ADAMTSL1: variants seen among roughly 807,000 people sequenced by gnomAD.
ADAMTSL1 encodes the protein ADAMTS-like protein 1.
A neutral mutation model predicts 201.8 loss-of-function variants in ADAMTSL1; 126 were observed. That is an observed-to-expected ratio of 0.62 (90% CI 0.54 to 0.72). The LOEUF is 0.72. Among genes scored for constraint, ADAMTSL1 ranks in the 30% least tolerant of loss-of-function variants. The pLI, the probability that ADAMTSL1 is intolerant of heterozygous loss-of-function variation, is 0.00. For synonymous variants in ADAMTSL1, 1,121 were observed against 903.4 expected (o/e 1.24, Z -4.32); for missense variants, 2,679 against 2,277.8 (o/e 1.18, Z -3.59).
At chr9:18,769,128 G>A (rs544392631) in intron 16 of ADAMTSL1, among the ~76,000 whole-genome samples, 2 of 152,216 alleles carry the variant, frequency 1.3e-5, no homozygotes, top group South Asian at 2.1e-4. Context: ...GGTGAAAGCT[G>A]GGCTGCAGCT....
intron 16 of ADAMTSL1, among the ~76,000 whole-genome samples, chr9:18,761,253 A>G (rs73419040): frequency 0.01 from 1,533 of 152,364 alleles, 29 homozygotes; most frequent in African/African-American, 0.035. Context: ...TCAGTAAATT[A>G]AACTACCAAG....
chr9:18,258,656 C>T (rs999536371), intron 2 of ADAMTSL1, among the ~76,000 whole-genome samples: 6 of 152,158 alleles, frequency 3.9e-5, no homozygotes, highest in Non-Finnish European at 7.3e-5. Context: ...GATCCCCGCC[C>T]GCATCATCGA....
intron 2 of ADAMTSL1, among the ~76,000 whole-genome samples, chr9:18,346,703 G>A (rs2132998489): frequency 6.6e-6 from 1 of 152,238 alleles, no homozygotes; most frequent in Non-Finnish European, 1.5e-5. Flanking sequence ...CTTTTTGAAT[G>A]AGGAAACTGA....
chr9:18,412,362 C>T (rs973028568), intron 2 of ADAMTSL1, among the ~76,000 whole-genome samples: 1 of 152,154 alleles, frequency 6.6e-6, no homozygotes, highest in Admixed American at 6.5e-5. Context: ...TTGTCATTTA[C>T]CTAATGGTTT....
chr9:17,913,573 A>G (rs1031949524), intron 1 of ADAMTSL1, among the ~76,000 whole-genome samples: 2 of 152,304 alleles, frequency 1.3e-5, no homozygotes, highest in Admixed American at 6.5e-5. Context: ...AAAGCAGGAA[A>G]GATCCAAAAT....
At chr9:18,393,224 C>T (rs950131364) in intron 2 of ADAMTSL1, among the ~76,000 whole-genome samples, 1 of 152,206 alleles carries the variant, frequency 6.6e-6, no homozygotes, top group Non-Finnish European at 1.5e-5. Context: ...TATACACATA[C>T]ACAGTATGCT....
At chr9:18,893,177 A>G (rs1454744484) in intron 26 of ADAMTSL1, among the ~76,000 whole-genome samples, 2 of 152,112 alleles carry the variant, frequency 1.3e-5, no homozygotes, top group African/African-American at 4.8e-5. Context: ...GCCAGGGGGA[A>G]TATCGTCTTT....
At chr9:18,766,106 A>C (rs1031561268) in intron 16 of ADAMTSL1, among the ~76,000 whole-genome samples, 1 of 152,196 alleles carries the variant, frequency 6.6e-6, no homozygotes, top group Non-Finnish European at 1.5e-5. Flanking sequence ...GTCGTAAAAT[A>C]TAAGATTACA....
In ADAMTSL1 at chr9:18,865,191, TC is replaced by T. The variant is rs545172795; in HGVS notation, c.4250-22634del. On this transcript the variant is annotated intron_variant, in intron 23 of 28. Transcript: ENST00000380548. The stretch of plus-strand genomic sequence containing the variant: ...ATCTCCTAATGCTATCCCTCCCCGC[TC>T]CCCCCACCCCACAATAGGCCCCGGT... Among the ~76,000 whole-genome samples, 59 of 151,212 alleles carry T rather than the reference TC, an allele frequency of 3.9e-4. 1 individual carries two copies. The South Asian group carries it at 7.0e-3, about 18-fold the overall frequency.
intron 2 of ADAMTSL1, among the ~76,000 whole-genome samples, chr9:18,433,744 A>G (rs926482137): frequency 3.3e-5 from 5 of 152,208 alleles, no homozygotes; most frequent in Non-Finnish European, 2.9e-5. Flanking sequence ...AATCTAAACT[A>G]CACACTTAAG....
At chr9:18,059,972 A>AATT in intron 1 of ADAMTSL1, among the ~76,000 whole-genome samples, 2 of 152,314 alleles carry the variant, frequency 1.3e-5, no homozygotes, top group Middle Eastern at 3.4e-3. Flanking sequence ...TAGATAGTAC[A>AATT]GTCACATAGT....
chr9:18,810,167 CAT>C (rs1178053123), intron 20 of ADAMTSL1, among the ~76,000 whole-genome samples: 1 of 152,178 alleles, frequency 6.6e-6, no homozygotes, highest in East Asian at 1.9e-4. Flanking sequence ...GCTCAACAAT[CAT>C]TATAGTACTA....
chr9:18,368,338 A>C (rs1415385961), intron 2 of ADAMTSL1, among the ~76,000 whole-genome samples: 1 of 152,222 alleles, frequency 6.6e-6, no homozygotes, highest in African/African-American at 2.4e-5. Context: ...CTGCTGTACC[A>C]GAGTGATGCT....
intron 1 of ADAMTSL1, among the ~76,000 whole-genome samples, chr9:18,011,259 T>C (rs1160026212): frequency 6.6e-6 from 1 of 152,046 alleles, no homozygotes; most frequent in African/African-American, 2.4e-5. Flanking sequence ...TGAAAAATAC[T>C]ACCTAAACTT....
intron 1 of ADAMTSL1, among the ~76,000 whole-genome samples, chr9:18,052,135 G>T (rs1821966620): frequency 6.6e-6 from 1 of 152,220 alleles, no homozygotes; most frequent in South Asian, 2.1e-4. Context: ...GAAAATCATT[G>T]TCATACTTCT....
intron 1 of ADAMTSL1, among the ~76,000 whole-genome samples, chr9:18,059,110 C>G (rs971694126): frequency 6.6e-6 from 1 of 152,144 alleles, no homozygotes; most frequent in African/African-American, 2.4e-5. Context: ...CCAAATATCC[C>G]CAGTTTTCCA....
intron 20 of ADAMTSL1, among the ~76,000 whole-genome samples, chr9:18,804,480 T>C (rs1822984423): frequency 6.6e-6 from 1 of 152,182 alleles, no homozygotes; most frequent in Non-Finnish European, 1.5e-5. Context: ...GAAGGAAAAC[T>C]AGACTAAGAA....
intron 3 of ADAMTSL1, among the ~76,000 whole-genome samples, chr9:18,544,551 C>T (rs1295642410): frequency 1.3e-5 from 2 of 151,982 alleles, no homozygotes; most frequent in Non-Finnish European, 2.9e-5. Flanking sequence ...ATGGAGACCA[C>T]GAGAGCGGGG....
At chr9:18,004,395 A>G (rs1819733327) in intron 1 of ADAMTSL1, among the ~76,000 whole-genome samples, 1 of 151,850 alleles carries the variant, frequency 6.6e-6, no homozygotes, top group Admixed American at 6.6e-5. Flanking sequence ...TGGTAAGGGG[A>G]CTCCTACAGA....
Sources: gnomAD v4.1 joint callset for allele counts (sites outside exome capture counted in the v4.1 genomes callset) on GRCh38, gnomAD v4.1.1 for gene constraint, MANE v1.5 for transcripts, NCBI Gene and HGNC (gene_info 2026-07-23, HGNC 2026-07-21) for gene names.